The following PTPRT variants were observed in gnomAD, a reference collection of about 807,000 sequenced individuals.
PTPRT encodes the protein protein tyrosine phosphatase receptor type T, also known as receptor-type tyrosine-protein phosphatase T.
Under a neutral mutation model 176.8 loss-of-function variants are expected in PTPRT, and 56 were observed. That is an observed-to-expected ratio of 0.32 (90% CI 0.26 to 0.40). The LOEUF is 0.40. PTPRT is among the 10% of genes least tolerant of loss of function. PTPRT has a pLI of 1.00. For synonymous variants in PTPRT, 783 were observed against 739.0 expected (o/e 1.06, Z -0.96); for missense variants, 1,540 against 1,908.2 (o/e 0.81, Z 3.60).
At chr20:42,685,009 TCCAAAGTC>T (rs1432895038) in intron 6 of PTPRT, among the ~76,000 whole-genome samples, 1 of 152,060 alleles carries the variant, frequency 6.6e-6, no homozygotes, top group Non-Finnish European at 1.5e-5. Context: ...TAGATACCCA[TCCAAAGTC>T]AAACAGTTAG....
At chr20:42,046,198 G>A in the PTPRT span, among the ~76,000 whole-genome samples, 1 of 152,158 alleles carries the variant, frequency 6.6e-6, no homozygotes, top group Non-Finnish European at 1.5e-5. Context: ...GCTCTTGAAA[G>A]CCTCTGTACC....
chr20:42,529,538 G>A (rs79759472), intron 7 of PTPRT, among the ~76,000 whole-genome samples: 2 of 152,206 alleles, frequency 1.3e-5, no homozygotes, highest in South Asian at 2.1e-4. Context: ...CCCGGCTGGA[G>A]TACACTGGCA....
chr20:42,854,150 G>A (rs2078523260), intron 2 of PTPRT, among the ~76,000 whole-genome samples: 1 of 152,134 alleles, frequency 6.6e-6, no homozygotes, highest in Non-Finnish European at 1.5e-5. Flanking sequence ...CTGGAGAGTA[G>A]GATGTAATGG....
At chr20:42,132,962 G>C (rs1384634626) in intron 18 of PTPRT, among the ~76,000 whole-genome samples, 2 of 152,194 alleles carry the variant, frequency 1.3e-5, no homozygotes, top group Admixed American at 6.5e-5. Flanking sequence ...TTGTGGTGCA[G>C]ACGGTCCCTC....
chr20:42,188,028 G>T (rs961390056), intron 16 of PTPRT, among the ~76,000 whole-genome samples: 1 of 152,148 alleles, frequency 6.6e-6, no homozygotes. Flanking sequence ...CCCAGGCCAG[G>T]CTCCTCTGTT....
At chr20:42,145,054 A>C (rs1215672465) in intron 17 of PTPRT, among the ~76,000 whole-genome samples, 3 of 152,162 alleles carry the variant, frequency 2.0e-5, no homozygotes, top group Admixed American at 6.5e-5. Flanking sequence ...TTTTTCTGTA[A>C]TGGGCAAACT....
chr20:42,256,096 G>A (rs773094609), intron 13 of PTPRT, among the ~76,000 whole-genome samples: 2 of 152,154 alleles, frequency 1.3e-5, no homozygotes, highest in Non-Finnish European at 1.5e-5. Flanking sequence ...GTACTTCTAC[G>A]TCAGGGAAGG....
chr20:43,081,181 T>G (rs1416946698), intron 1 of PTPRT, among the ~76,000 whole-genome samples: 1 of 152,238 alleles, frequency 6.6e-6, no homozygotes, highest in Non-Finnish European at 1.5e-5. Context: ...TTCTCCTTTT[T>G]ATAAATCTCT....
chr20:42,696,487 G>A (rs1156345796), intron 6 of PTPRT, among the ~76,000 whole-genome samples: 3 of 147,770 alleles, frequency 2.0e-5, no homozygotes, highest in South Asian at 4.3e-4. Flanking sequence ...ACAGAGCCTC[G>A]CTCTGTCGCC....
intron 7 of PTPRT, among the ~76,000 whole-genome samples, chr20:42,511,679 AACTCTT>A (rs2071959404): frequency 6.6e-6 from 1 of 152,140 alleles, no homozygotes; most frequent in African/African-American, 2.4e-5. Flanking sequence ...TGCCCAACTT[AACTCTT>A]ACTCTAATGA....
chr20:42,238,402 T>A (rs2056286746), intron 14 of PTPRT, among the ~76,000 whole-genome samples: 1 of 152,148 alleles, frequency 6.6e-6, no homozygotes, highest in Non-Finnish European at 1.5e-5. Flanking sequence ...TGACCCTAGA[T>A]GATGAGAAGG....
intron 11 of PTPRT, among the ~76,000 whole-genome samples, chr20:42,330,399 A>G (rs529257809): frequency 1.2e-3 from 177 of 152,136 alleles, no homozygotes; most frequent in Non-Finnish European, 1.9e-3. Context: ...TCAATTGAAC[A>G]TGGGAGGCAG....
At chr20:42,111,278 G>A (rs1986978246) in intron 22 of PTPRT, among the ~76,000 whole-genome samples, 1 of 150,946 alleles carries the variant, frequency 6.6e-6, no homozygotes. Flanking sequence ...AGAGAACACT[G>A]AATAGGAAGA....
chr20:42,211,193 C>G (rs1040946458), intron 15 of PTPRT, among the ~76,000 whole-genome samples: 1 of 152,100 alleles, frequency 6.6e-6, no homozygotes, highest in Admixed American at 6.6e-5. Context: ...CATAAAAACC[C>G]TAGAAGGAAA....
chr20:42,247,623 G>C (rs566077190), intron 14 of PTPRT, among the ~76,000 whole-genome samples: 1 of 152,164 alleles, frequency 6.6e-6, no homozygotes, highest in African/African-American at 2.4e-5. Flanking sequence ...TGTTGGTTTG[G>C]TTAATAATGT....
At chr20:43,060,210 A>C (rs1371815405) in intron 1 of PTPRT, among the ~76,000 whole-genome samples, 2 of 152,004 alleles carry the variant, frequency 1.3e-5, no homozygotes, top group Non-Finnish European at 2.9e-5. Flanking sequence ...AACACCATAG[A>C]CTAAGTGACT....
chr20:42,398,015 A>C (rs891672679), intron 9 of PTPRT, among the ~76,000 whole-genome samples: 4 of 152,200 alleles, frequency 2.6e-5, no homozygotes, highest in African/African-American at 9.7e-5. Context: ...TGTAAATTTG[A>C]GGAAACTGAG....
chr20:43,058,825 TCA>T (rs1402884357), intron 1 of PTPRT, among the ~76,000 whole-genome samples: 3 of 152,184 alleles, frequency 2.0e-5, no homozygotes, highest in Non-Finnish European at 4.4e-5. Context: ...TATTTTTTTT[TCA>T]GTCTTACAGA....
At chr20:42,583,442 C>T (rs2073414074) in intron 7 of PTPRT, among the ~76,000 whole-genome samples, 1 of 152,200 alleles carries the variant, frequency 6.6e-6, no homozygotes. Context: ...GTCTGGGGAT[C>T]ACTACGGACA....
Sources: gnomAD v4.1 joint callset for allele counts (sites outside exome capture counted in the v4.1 genomes callset) on GRCh38, gnomAD v4.1.1 for gene constraint, MANE v1.5 for transcripts, NCBI Gene and HGNC (gene_info 2026-07-23, HGNC 2026-07-21) for gene names.